ROBO1: variants seen among roughly 807,000 people sequenced by gnomAD.
ROBO1 encodes roundabout homolog 1.
Under a neutral mutation model 195.9 loss-of-function variants are expected in ROBO1, and 149 were observed. That is an observed-to-expected ratio of 0.76 (90% confidence interval 0.67 to 0.87). The LOEUF (loss-of-function observed/expected upper bound fraction) is 0.87, where lower values mean the gene tolerates loss of function less well. ROBO1 is among the 40% of genes least tolerant of loss of function. The pLI, the probability that ROBO1 is intolerant of heterozygous loss-of-function variation, is 0.00. For synonymous variants in ROBO1, 816 were observed against 733.2 expected, an observed-to-expected ratio of 1.11 and a Z score of -1.82; for missense variants, 1,933 against 2,068.3, an observed-to-expected ratio of 0.93 and a Z score of 1.27.
intron 2 of ROBO1, among the ~76,000 whole-genome samples, chr3:79,364,347 TATC>T (rs1280798108): frequency 2.0e-5 from 3 of 151,542 alleles, no homozygotes; most frequent in African/African-American, 7.3e-5. Flanking sequence ...ATTATGTATT[TATC>T]ATAATTCTAT....
At chr3:78,821,429 G>T (rs911074422) in intron 4 of ROBO1, among the ~76,000 whole-genome samples, 2 of 152,068 alleles carry the variant, frequency 1.3e-5, no homozygotes, top group African/African-American at 4.8e-5. Flanking sequence ...CTCCCAAAGT[G>T]CTAGGATTAC....
intron 18 of ROBO1, 107 bp from the exon 19 acceptor site, chr3:78,652,036 T>G: frequency 1.1e-6 from 1 of 901,000 alleles, no homozygotes; most frequent in Admixed American, 2.4e-5. Flanking sequence ...ATGATTTCTG[T>G]TTTTCCTCTC....
chr3:79,589,040 A>G (rs1943916126), intron 2 of ROBO1, among the ~76,000 whole-genome samples: 1 of 151,728 alleles, frequency 6.6e-6, no homozygotes, highest in South Asian at 2.1e-4. Flanking sequence ...GTTTCATAGT[A>G]TGGTCTAACA....
At chr3:78,751,946 A>C (rs1390735126) in intron 4 of ROBO1, among the ~76,000 whole-genome samples, 2 of 152,072 alleles carry the variant, frequency 1.3e-5, no homozygotes, top group Non-Finnish European at 2.9e-5. Context: ...ATTTTTTTCT[A>C]CTTCCATTGA....
At chr3:79,580,502 CACAA>C (rs1327627815) in intron 2 of ROBO1, among the ~76,000 whole-genome samples, 1 of 151,680 alleles carries the variant, frequency 6.6e-6, no homozygotes, top group Non-Finnish European at 1.5e-5. Flanking sequence ...TAAATAAACA[CACAA>C]ACAAATAAAT....
intron 2 of ROBO1, among the ~76,000 whole-genome samples, chr3:79,263,803 A>C (rs2108948627): frequency 6.6e-6 from 1 of 152,132 alleles, no homozygotes; most frequent in South Asian, 2.1e-4. Context: ...CTCCCACTTA[A>C]AACATTACAA....
At chr3:79,538,897 G>T (rs1941968127) in intron 2 of ROBO1, among the ~76,000 whole-genome samples, 1 of 152,054 alleles carries the variant, frequency 6.6e-6, no homozygotes. Context: ...CCAGCTGTTT[G>T]GAACTCATGT....
intron 1 of ROBO1, among the ~76,000 whole-genome samples, chr3:79,751,641 GAA>G (rs1704135518): frequency 6.6e-6 from 1 of 152,114 alleles, no homozygotes; most frequent in Non-Finnish European, 1.5e-5. Context: ...TTTTCACTAA[GAA>G]GAAAGGCTTA....
chr3:78,721,102 A>C (rs2082034749), intron 5 of ROBO1, among the ~76,000 whole-genome samples: 1 of 152,210 alleles, frequency 6.6e-6, no homozygotes, highest in African/African-American at 2.4e-5. Context: ...TATAATTAAA[A>C]AAAAAAGATA....
intron 19 of ROBO1, among the ~76,000 whole-genome samples, chr3:78,648,681 T>TA (rs199787334): frequency 0.049 from 6,629 of 135,960 alleles, 397 homozygotes; most frequent in African/African-American, 0.15. Context: ...CTGCTCTGGT[T>TA]AAAAAAAAAA....
At chr3:79,628,089 A>AT (rs1446248300) in intron 1 of ROBO1, among the ~76,000 whole-genome samples, 1 of 152,174 alleles carries the variant, frequency 6.6e-6, no homozygotes, top group Admixed American at 6.5e-5. Context: ...TTCCTCAAGG[A>AT]TCTATAACCA....
intron 2 of ROBO1, among the ~76,000 whole-genome samples, chr3:79,524,960 TAGAG>T (rs1233457277): frequency 6.6e-6 from 1 of 151,860 alleles, no homozygotes; most frequent in Non-Finnish European, 1.5e-5. Flanking sequence ...TACATATATA[TAGAG>T]AGAGAAACAG....
chr3:79,265,962 CA>C (rs541843072), intron 2 of ROBO1, among the ~76,000 whole-genome samples: 2 of 150,470 alleles, frequency 1.3e-5, no homozygotes, highest in South Asian at 2.1e-4. Context: ...AACAAAGTAT[CA>C]AAAAAAATCA....
intron 2 of ROBO1, among the ~76,000 whole-genome samples, chr3:79,557,157 A>C (rs115525613): frequency 6.6e-6 from 1 of 152,000 alleles, no homozygotes; most frequent in South Asian, 2.1e-4. Context: ...GTTTAAAATT[A>C]TTAAATTAAT....
At chr3:79,287,130 A>G (rs182214879) in intron 2 of ROBO1, among the ~76,000 whole-genome samples, 2 of 152,308 alleles carry the variant, frequency 1.3e-5, no homozygotes, top group East Asian at 1.9e-4. Context: ...TAAATTCTTC[A>G]GTTTGTTGAA....
At chr3:79,453,008 C>T (rs1340228248) in intron 2 of ROBO1, among the ~76,000 whole-genome samples, 1 of 151,890 alleles carries the variant, frequency 6.6e-6, no homozygotes, top group Non-Finnish European at 1.5e-5. Context: ...ACATATTGTA[C>T]ATAAAGAATG....
chr3:79,014,801 CATT>C (rs1405890446), intron 3 of ROBO1, among the ~76,000 whole-genome samples: 1 of 152,094 alleles, frequency 6.6e-6, no homozygotes, highest in African/African-American at 2.4e-5. Flanking sequence ...TAAAATTAAA[CATT>C]TTTTTAAAGG....
intron 2 of ROBO1, among the ~76,000 whole-genome samples, chr3:79,460,930 A>C (rs1025625474): frequency 7.2e-5 from 11 of 151,966 alleles, no homozygotes; most frequent in African/African-American, 2.7e-4. Context: ...TTGTATTTTT[A>C]GTAGAGACGG....
chr3:78,748,638 T>TA (rs2082716141), intron 4 of ROBO1, among the ~76,000 whole-genome samples: 1 of 152,118 alleles, frequency 6.6e-6, no homozygotes, highest in Non-Finnish European at 1.5e-5. Flanking sequence ...AAATCACTCT[T>TA]AAACTTTTTT....
Sources: allele counts gnomAD v4.1 joint callset (sites outside exome capture counted in the v4.1 genomes callset), GRCh38; gene constraint gnomAD v4.1.1; transcripts MANE v1.5; gene names NCBI Gene and HGNC (gene_info 2026-07-23, HGNC 2026-07-21).